The following CADPS variants were observed in gnomAD, a reference collection of about 807,000 sequenced individuals.
CADPS encodes the protein calcium-dependent secretion activator 1.
CADPS carries 57 observed loss-of-function variants against 167.3 expected under a neutral mutation model. The ratio of observed to expected loss-of-function variants is 0.34; its 90% confidence interval spans 0.28 to 0.42. The LOEUF (loss-of-function observed/expected upper bound fraction) is 0.42. Ranked by LOEUF, CADPS falls within the 20% of genes least tolerant of loss-of-function variation. The pLI, the probability that CADPS is intolerant of heterozygous loss-of-function variation, is 1.00. For synonymous variants in CADPS, 676 were observed against 635.3 expected (o/e 1.06, Z -0.96); for missense variants, 1,414 against 1,738.1 (o/e 0.81, Z 3.32).
intron 5 of CADPS, among the ~76,000 whole-genome samples, chr3:62,647,631 A>G (rs1456215943): frequency 6.6e-6 from 1 of 152,196 alleles, no homozygotes; most frequent in East Asian, 1.9e-4. Context: ...CTGTTGTGTG[A>G]GGATCAAATG....
At chr3:62,825,235 G>A (rs1250346982) in intron 1 of CADPS, among the ~76,000 whole-genome samples, 2 of 152,078 alleles carry the variant, frequency 1.3e-5, no homozygotes, top group South Asian at 2.1e-4. Flanking sequence ...TAGCTTGGAG[G>A]GGAACTAGCT....
In CADPS at chr3:62,481,830, A is replaced by G; in HGVS notation, c.3066T>C (p.Asn1022=). 2 of 1,611,712 alleles carry G rather than the reference A, an allele frequency of 1.2e-6. No homozygotes were observed. The highest frequency in any genetic ancestry group is 1.7e-6 in the Non-Finnish European group (2 of 1,179,020). ...GATTTGGTACTTTGGGAAGGTTCAC[A>G]TTGGGTAGGTTCACATTGGGTAGGT... ...TSNLPNVNLP[N]VNLPKVPNLP... is the part of the protein sequence containing the mutation. The change falls in exon 22 of 30, where the codon AAT becomes AAC. Residue 1022 remains asparagine (N), a synonymous_variant. Transcript: ENST00000383710.
chr3:62,461,594 C>T (rs1268847140), intron 26 of CADPS, among the ~76,000 whole-genome samples: 1 of 152,210 alleles, frequency 6.6e-6, no homozygotes, highest in African/African-American at 2.4e-5. Flanking sequence ...GAAGTGCCTC[C>T]TGCTTTCCTG....
intron 6 of CADPS, among the ~76,000 whole-genome samples, chr3:62,638,220 G>C (rs1311255382): frequency 6.6e-6 from 1 of 151,934 alleles, no homozygotes; most frequent in African/African-American, 2.4e-5. Context: ...TTGTACTCTT[G>C]TCCATGACAC....
Position 62,496,353 on chromosome 3 carries a change from G to A in CADPS, c.2707-2688C>T, listed in dbSNP as rs539692844. On this transcript the variant is annotated intron_variant, in intron 18 of 29. Coordinates refer to ENST00000383710, the MANE Select transcript of CADPS (RefSeq NM_003716.4). ...GACCTGGAGATCTGAATTTTCAAGA[G>A]CTGTCCACGTGATTGCAATCTGTAA... Among the ~76,000 whole-genome samples the A allele has an allele frequency of 2.6e-5, 4 of 152,256 alleles. No individual in the cohort carries two copies. The South Asian group carries it at 8.3e-4, about 32-fold the overall frequency.
At chr3:62,616,904 T>G (rs772381443) in intron 6 of CADPS, among the ~76,000 whole-genome samples, 46 of 152,280 alleles carry the variant, frequency 3.0e-4, no homozygotes, top group Non-Finnish European at 6.0e-4. Flanking sequence ...CAGAAATAAT[T>G]TGTTTTAATC....
chr3:62,745,924 T>C (rs889324562), intron 3 of CADPS, among the ~76,000 whole-genome samples: 8 of 152,082 alleles, frequency 5.3e-5, no homozygotes, highest in African/African-American at 1.9e-4. Flanking sequence ...TAATAGAAAA[T>C]AAGTGTGCAA....
intron 1 of CADPS, among the ~76,000 whole-genome samples, chr3:62,833,747 C>T (rs1017274041): frequency 1.3e-5 from 2 of 152,082 alleles, no homozygotes; most frequent in African/African-American, 2.4e-5. Context: ...CCTGGGCTCA[C>T]TGCTCTCCCT....
Position 62,536,501 on chromosome 3 carries a change from C to T in CADPS, c.2047G>A (p.Glu683Lys). The T allele has an allele frequency of 3.7e-6, 6 of 1,613,378 alleles. No homozygotes were observed. The highest frequency in any genetic ancestry group is 5.1e-6 in the Non-Finnish European group (6 of 1,179,448). The change falls in exon 12 of 30, where the codon GAG becomes AAG. Residue 683 changes from glutamate (E) to lysine (K), a missense_variant. Glu to Lys is a moderately conservative substitution (Grantham distance 56). Around this residue, in one of 6 missense-constraint regions of CADPS, gnomAD observed 529 missense variants for 629.6 expected, o/e 0.84. Transcript: ENST00000383710. ...PCNFDHASLF[E>K]MVQRLTLDHR... ...TCCAAAGTAAGGCGTTGTACCATCTCAAAGAGGGAAGCGTGGTCAAAGTTA... is the reference window on the plus strand; with the variant it reads ...TCCAAAGTAAGGCGTTGTACCATCTTAAAGAGGGAAGCGTGGTCAAAGTTA...
At chr3:62,619,831 G>C (rs1379260611) in intron 6 of CADPS, among the ~76,000 whole-genome samples, 1 of 152,134 alleles carries the variant, frequency 6.6e-6, no homozygotes, top group African/African-American at 2.4e-5. Flanking sequence ...TCAATGTACT[G>C]TGTTTTCTTT....
chr3:62,652,848 T>C lies in CADPS; in HGVS notation c.970-1768A>G, dbSNP rs183793458. Among the ~76,000 whole-genome samples the C allele has an allele frequency of 2.4e-3, 370 of 152,310 alleles. 1 individual carries two copies. The highest frequency in any genetic ancestry group is 7.8e-3 in the African/African-American group (324 of 41,556). ...GTAATTTTGTTCCTTAAGAATTTATTTTTCTTTCAGTAATTCCCCCACCCA... is the reference window on the plus strand; with the variant it reads ...GTAATTTTGTTCCTTAAGAATTTATCTTTCTTTCAGTAATTCCCCCACCCA... On this transcript the variant is annotated intron_variant, in intron 4 of 29. Transcript: ENST00000383710.
chr3:62,520,858 A>G (rs13065590), intron 13 of CADPS, among the ~76,000 whole-genome samples: 115,962 of 152,086 alleles, frequency 0.76, 45,042 homozygotes, highest in Non-Finnish European at 0.84. Flanking sequence ...ATTTCACTTC[A>G]TTGTTTTCGA....
In CADPS at chr3:62,398,664, C is replaced by T. The variant is rs549372505; in HGVS notation, c.*742G>A. The stretch of plus-strand genomic sequence containing the variant: ...ATTTTTTTTACATACACAGTTGAGA[C>T]GTAAAAGCAAAATAACATTTAAGAG... On this transcript the variant is annotated 3_prime_UTR_variant, in exon 30 of 30. Coordinates refer to ENST00000383710, the MANE Select transcript of CADPS (RefSeq NM_003716.4). 2 of 152,522 alleles carry T rather than the reference C, an allele frequency of 1.3e-5. No homozygotes were observed. The highest frequency in any genetic ancestry group is 1.9e-4 in the East Asian group (1 of 5,180). 9.4% of individuals were successfully genotyped at this position (152,522 alleles called of 1,614,324 possible).
In CADPS at chr3:62,446,332, G is replaced by A. The variant is rs1238027931; in HGVS notation, c.3637-535C>T. ...CTTTCAAAACTGCCCAAAGGCTGCC[G>A]TTATGTCTCCTGCTTTTACGTGCTA... On this transcript the variant is annotated intron_variant, in intron 26 of 29. Coordinates refer to ENST00000383710, the MANE Select transcript of CADPS (RefSeq NM_003716.4). This position sits in a 1 kb window ranked among gnomAD's most constrained non-coding sequence, Gnocchi z 4.9. Among the ~76,000 whole-genome samples, 4 of 152,210 alleles carry A rather than the reference G, an allele frequency of 2.6e-5. No homozygotes were observed. The highest frequency in any genetic ancestry group is 4.8e-5 in the African/African-American group (2 of 41,456).
At chr3:62,445,927 G>T in intron 26 of CADPS, 130 bp from the exon 27 acceptor site, 3 of 543,128 alleles carry the variant, frequency 5.5e-6, no homozygotes, top group Non-Finnish European at 9.1e-6. Context: ...AAACAGAAAG[G>T]TACTAGAAAA....
chr3:62,865,587 A>C (rs2081540669), intron 1 of CADPS, among the ~76,000 whole-genome samples: 1 of 152,094 alleles, frequency 6.6e-6, no homozygotes, highest in African/African-American at 2.4e-5. Flanking sequence ...TGAGGGCTTG[A>C]TAATTCAATT....
intron 1 of CADPS, among the ~76,000 whole-genome samples, chr3:62,852,414 T>A (rs1342192797): frequency 6.6e-6 from 1 of 152,186 alleles, no homozygotes; most frequent in Non-Finnish European, 1.5e-5. Context: ...TTCGGCCATC[T>A]TGGCTCCTCC....
chr3:62,814,870 G>A (rs1371985012), intron 1 of CADPS, among the ~76,000 whole-genome samples: 3 of 152,092 alleles, frequency 2.0e-5, no homozygotes, highest in Non-Finnish European at 2.9e-5. Flanking sequence ...AAAGATCAAA[G>A]CAATTAGTCA....
intron 6 of CADPS, among the ~76,000 whole-genome samples, chr3:62,598,536 T>C (rs770447107): frequency 1.3e-5 from 2 of 152,230 alleles, no homozygotes; most frequent in South Asian, 2.1e-4. Flanking sequence ...AAATAGCTAA[T>C]AGTTATTCAG....
Sources: allele counts gnomAD v4.1 joint callset (sites outside exome capture counted in the v4.1 genomes callset), GRCh38; gene constraint gnomAD v4.1.1; regional missense constraint gnomAD v4.1.1; non-coding constraint Gnocchi (gnomAD v3.1); transcripts MANE v1.5; gene names NCBI Gene and HGNC (gene_info 2026-07-23, HGNC 2026-07-21).